PCDHGA3: variants seen among roughly 807,000 people sequenced by gnomAD.
PCDHGA3 encodes the protein protocadherin gamma-A3.
PCDHGA3 carries 40 observed loss-of-function variants against 58.5 expected under a neutral mutation model. The observed-to-expected ratio is 0.68, with a 90% CI of 0.53 to 0.89. The LOEUF is 0.89. PCDHGA3 is among the 40% of genes least tolerant of loss of function. The pLI is 0.00. For missense variants in PCDHGA3, 1,223 were observed against 1,195.9 expected, an observed-to-expected ratio of 1.02 and a Z score of -0.33; for synonymous variants, 530 against 525.7, an observed-to-expected ratio of 1.01 and a Z score of -0.11.
At chr5:141,397,361 G>A (rs2093513931) in intron 1 of PCDHGA3, among the ~76,000 whole-genome samples, 1 of 152,164 alleles carries the variant, frequency 6.6e-6, no homozygotes. Flanking sequence ...TCAGGAAGAG[G>A]AGATGTTTGG....
At chr5:141,409,531 T>C (rs2095279232) in intron 1 of PCDHGA3, 1 of 1,613,870 alleles carries the variant, frequency 6.2e-7, no homozygotes, top group Non-Finnish European at 8.5e-7. Context: ...TGTATGTCGC[T>C]GACATCAACG....
intron 1 of PCDHGA3, chr5:141,370,262 T>G (rs1766779263): frequency 2.7e-6 from 2 of 752,044 alleles, no homozygotes; most frequent in Non-Finnish European, 4.2e-6. Flanking sequence ...TCAGGCTTCC[T>G]GCAGCGGAGA....
At chr5:141,453,811 A>G (rs541081089) in intron 1 of PCDHGA3, among the ~76,000 whole-genome samples, 1 of 152,350 alleles carries the variant, frequency 6.6e-6, no homozygotes, top group Admixed American at 6.5e-5. Context: ...AGTTCCATAA[A>G]GGACAAACTT....
intron 1 of PCDHGA3, chr5:141,433,331 C>G: frequency 1.4e-6 from 1 of 699,624 alleles, no homozygotes; most frequent in South Asian, 1.9e-5. Context: ...GTAACAGGGA[C>G]TACAGGTGCA....
chr5:141,376,245 A>T (rs554556778), intron 1 of PCDHGA3: 4 of 1,614,180 alleles, frequency 2.5e-6, no homozygotes, highest in African/African-American at 1.3e-5. Context: ...CGCTGGCACA[A>T]GTCACGCCTG....
intron 1 of PCDHGA3, chr5:141,398,155 C>G (rs1238092530): frequency 1.3e-5 from 19 of 1,492,684 alleles, no homozygotes; most frequent in Non-Finnish European, 1.7e-5. Flanking sequence ...GGAGCTGGGC[C>G]GGGCTGAGAG....
rs771867567 is a variant in PCDHGA3 at position 141,419,867 on chromosome 5, G to A, written c.2424+73410G>A. 3.1e-6 allele frequency: 5 copies of A among 1,614,086 alleles called. No homozygotes were observed. In the South Asian group the frequency reaches 5.5e-5, roughly 18 times the overall value. On this transcript the variant is annotated intron_variant, in intron 1 of 3. Transcript: ENST00000253812. Reference sequence around the variant, plus strand: ...CCTGGTGTTCGCAGATAGCTTGCAAGAGGTACTGCCGGATTTCAGCGACCA... The same window carrying A: ...CCTGGTGTTCGCAGATAGCTTGCAAAAGGTACTGCCGGATTTCAGCGACCA...
intron 1 of PCDHGA3, among the ~76,000 whole-genome samples, chr5:141,429,720 A>G (rs571388976): frequency 6.6e-6 from 1 of 152,340 alleles, no homozygotes; most frequent in South Asian, 2.1e-4. Context: ...TACGCTCATG[A>G]AAGTACGTAG....
intron 1 of PCDHGA3, chr5:141,351,352 C>T (rs762259259): frequency 2.5e-6 from 4 of 1,613,182 alleles, no homozygotes; most frequent in Non-Finnish European, 3.4e-6. Context: ...TAATAGCCCT[C>T]ATAAAAGTGC....
At position 141,364,360 on chromosome 5, in the gene PCDHGA3, C is replaced by G. The variant is rs200312693; in HGVS notation, c.2424+17903C>G. 3.8e-6 allele frequency: 6 copies of G among 1,558,464 alleles called. No individual in the cohort carries two copies. The highest frequency in any genetic ancestry group is 1.7e-4 in the Middle Eastern group (1 of 5,766). On this transcript the variant is annotated intron_variant, in intron 1 of 3. Coordinates refer to ENST00000253812, the MANE Select transcript of PCDHGA3 (RefSeq NM_018916.4). ...CGAGTCCACCTAGGGGCTGGGGCTGCGGAGAGCTGCTGCTGCCCTTCATGC... is the reference window on the plus strand; with the variant it reads ...CGAGTCCACCTAGGGGCTGGGGCTGGGGAGAGCTGCTGCTGCCCTTCATGC...
At chr5:141,381,294 A>C (rs1777116349) in intron 1 of PCDHGA3, among the ~76,000 whole-genome samples, 1 of 152,236 alleles carries the variant, frequency 6.6e-6, no homozygotes, top group African/African-American at 2.4e-5. Flanking sequence ...TTTATTCCAG[A>C]GCAGGTCATT....
rs775989253 is a variant in PCDHGA3 at position 141,491,769 on chromosome 5, G to A, written c.2425-3038G>A. On this transcript the variant is annotated intron_variant, in intron 1 of 3. Transcript: ENST00000253812. The surrounding 1 kb of genome is among the most constrained non-coding windows in gnomAD (Gnocchi z 6.9). ...CTGGAGAAGCCGCCCGTCCTCATAA[G>A]GGATTGAACTTGCATCCACTCCTCT... 6.4e-7 allele frequency: 1 copy of A among 1,562,376 alleles called. No homozygotes were observed. Among genetic ancestry groups the A allele is most frequent in the African/African-American group, 1.4e-5 (1 of 73,058 alleles).
rs1447337473 is a variant in PCDHGA3 at position 141,344,148 on chromosome 5, CTAGA to C, written c.118_121del (p.Asp40LysfsTer14). ...GATCCGCTACTCGGTGTCTGAGGAG[CTAGA>C]TAAAGGTTCCTTCGTGGGCAACATC... On this transcript the variant is annotated frameshift_variant, in exon 1 of 4. Coordinates refer to ENST00000253812, the MANE Select transcript of PCDHGA3 (RefSeq NM_018916.4). LOFTEE classifies it high-confidence loss of function. The C allele has an allele frequency of 1.2e-6, 2 of 1,614,022 alleles. No individual in the cohort carries two copies. The highest frequency in any genetic ancestry group is 1.7e-6 in the Non-Finnish European group (2 of 1,179,888).
At chr5:141,419,527 C>T (rs755936657) in intron 1 of PCDHGA3, 4 of 1,612,064 alleles carry the variant, frequency 2.5e-6, no homozygotes, top group Non-Finnish European at 2.5e-6. Context: ...GCGACCGTAA[C>T]GACAACGCAC....
At chr5:141,473,974 C>A (rs958240236) in intron 1 of PCDHGA3, among the ~76,000 whole-genome samples, 1 of 152,054 alleles carries the variant, frequency 6.6e-6, no homozygotes, top group Non-Finnish European at 1.5e-5. Flanking sequence ...AAGTCTGAGG[C>A]GGGAGGATCC....
At chr5:141,441,820 G>A in intron 1 of PCDHGA3, 1 of 359,390 alleles carries the variant, frequency 2.8e-6, no homozygotes, top group Non-Finnish European at 5.5e-6. Flanking sequence ...CCCAGCTCTG[G>A]AGCGCAATGG....
chr5:141,420,009 A>T, intron 1 of PCDHGA3: 1 of 1,614,088 alleles, frequency 6.2e-7, no homozygotes, highest in Non-Finnish European at 8.5e-7. Context: ...CGCCTGCGAC[A>T]GTCTTTCAGC....
In PCDHGA3 at chr5:141,476,718, C is replaced by T; in HGVS notation, c.2425-18089C>T. On this transcript the variant is annotated intron_variant, in intron 1 of 3. Transcript: ENST00000253812. The surrounding 1 kb of genome is among the most constrained non-coding windows in gnomAD (Gnocchi z 7.6). ...TACGCGGAGCTGGTGTTGGAGCGCG[C>T]CCTGGACCGAGAACGGGAGCCTAGT... The T allele has an allele frequency of 1.2e-6, 2 of 1,614,144 alleles. No individual in the cohort carries two copies. The highest frequency in any genetic ancestry group is 2.2e-5 in the East Asian group (1 of 44,874).
intron 1 of PCDHGA3, chr5:141,378,642 C>T (rs780445527): frequency 5.9e-5 from 9 of 152,098 alleles, no homozygotes; most frequent in Non-Finnish European, 1.3e-4. Context: ...AATGGGAGAA[C>T]AAATGTTAAT....
Sources: allele counts gnomAD v4.1 joint callset (sites outside exome capture counted in the v4.1 genomes callset), GRCh38; gene constraint gnomAD v4.1.1; non-coding constraint Gnocchi (gnomAD v3.1); transcripts MANE v1.5; gene names NCBI Gene and HGNC (gene_info 2026-07-23, HGNC 2026-07-21).